The following ANKRD55 variants were observed in gnomAD, a reference collection of about 807,000 sequenced individuals.
ANKRD55 encodes ankyrin repeat domain-containing protein 55.
ANKRD55 carries 41 observed loss-of-function variants against 60.6 expected under a neutral mutation model. The ratio of observed to expected loss-of-function variants is 0.68; its 90% CI spans 0.53 to 0.88. The LOEUF (loss-of-function observed/expected upper bound fraction) is 0.88, where lower values mean the gene tolerates loss of function less well. Among genes scored for constraint, ANKRD55 ranks in the 40% least tolerant of loss-of-function variants. The pLI is 0.00. For missense variants in ANKRD55, 732 were observed against 767.6 expected, an observed-to-expected ratio of 0.95 and a Z score of 0.55; for synonymous variants, 264 against 290.3, an observed-to-expected ratio of 0.91 and a Z score of 0.92.
At chr5:56,230,225 G>A (rs1424798802) in intron 2 of ANKRD55, among the ~76,000 whole-genome samples, 2 of 152,250 alleles carry the variant, frequency 1.3e-5, no homozygotes, top group African/African-American at 4.8e-5. Flanking sequence ...CTCCCGAGTA[G>A]CTGGGACTAC....
chr5:56,116,521 T>C, intron 9 of ANKRD55, 94 bp downstream of exon 9: 1 of 1,031,388 alleles, frequency 9.7e-7, no homozygotes, highest in Non-Finnish European at 1.3e-6. Context: ...AATAATATTA[T>C]TATTGGTTTG....
At chr5:56,135,250 C>T (rs1334416691) in intron 7 of ANKRD55, among the ~76,000 whole-genome samples, 3 of 138,144 alleles carry the variant, frequency 2.2e-5, no homozygotes, top group South Asian at 2.5e-4. Context: ...TTCCTTCCTT[C>T]CTTCCTTCCT....
chr5:56,118,704 A>G (rs1352672710), intron 8 of ANKRD55, among the ~76,000 whole-genome samples: 1 of 152,122 alleles, frequency 6.6e-6, no homozygotes, highest in Non-Finnish European at 1.5e-5. Context: ...AAAATAAACC[A>G]ATTTTAAAAA....
chr5:56,139,902 T>C (rs1185100847), intron 7 of ANKRD55, among the ~76,000 whole-genome samples: 1 of 152,066 alleles, frequency 6.6e-6, no homozygotes, highest in Non-Finnish European at 1.5e-5. Context: ...TGAGACTTTG[T>C]CTCTACTTTA....
intron 3 of ANKRD55, among the ~76,000 whole-genome samples, chr5:56,177,376 G>A (rs562472670): frequency 1.2e-4 from 19 of 152,048 alleles, no homozygotes; most frequent in Admixed American, 1.1e-3. Context: ...CTTTCTTCCT[G>A]TCAACAAGTG....
intron 2 of ANKRD55, among the ~76,000 whole-genome samples, chr5:56,199,666 G>C (rs963606567): frequency 6.6e-6 from 1 of 151,848 alleles, no homozygotes; most frequent in African/African-American, 2.4e-5. Flanking sequence ...CGAGGTGGGC[G>C]GATCACAAGG....
At chr5:56,107,872 C>CT (rs56958360) in intron 10 of ANKRD55, among the ~76,000 whole-genome samples, 138 of 145,646 alleles carry the variant, frequency 9.5e-4, no homozygotes, top group Middle Eastern at 3.5e-3. Flanking sequence ...TAGCAATAAA[C>CT]TTTTTTTTTT....
chr5:56,099,921 CCTA>C lies in ANKRD55; in HGVS notation c.*259_*261del. ...AGCAAACCAAACATAGCTCAGTTTT[CCTA>C]CTGATAACATATTTTGTCTTTTAAT... On this transcript the variant is annotated 3_prime_UTR_variant, in exon 12 of 12. Transcript: ENST00000341048. 2.6e-6 allele frequency: 1 copy of C among 390,780 alleles called. No individual in the cohort carries two copies. The allele number at this position is 390,780 out of a possible 1,614,324, so 24.2% of individuals were successfully genotyped here. A position where few individuals can be genotyped will look rare whatever the true frequency, so the allele number is the denominator to read the frequency against.
intron 7 of ANKRD55, 135 bp downstream of exon 7, chr5:56,143,666 G>T: frequency 1.6e-6 from 2 of 1,274,496 alleles, no homozygotes; most frequent in Non-Finnish European, 2.2e-6. Flanking sequence ...ATCTTGGCAG[G>T]GTTTCTTTTC....
At position 56,113,039 on chromosome 5, in the gene ANKRD55, C is replaced by T. The variant is rs756704222; in HGVS notation, c.966-1257G>A. On this transcript the variant is annotated intron_variant, in intron 9 of 11. Transcript: ENST00000341048. Reference sequence around the variant, plus strand: ...AGAGAGAGCCCCAGGGCACTTCCGACGCTCAAGTTTCCCTATAAAGAATAT... The same window carrying T: ...AGAGAGAGCCCCAGGGCACTTCCGATGCTCAAGTTTCCCTATAAAGAATAT... Among the ~76,000 whole-genome samples the T allele has an allele frequency of 1.8e-4, 28 of 152,232 alleles. No individual in the cohort carries two copies. The South Asian group carries it at 1.9e-3, about 10-fold the overall frequency.
chr5:56,205,818 A>G (rs1299419184), intron 2 of ANKRD55, among the ~76,000 whole-genome samples: 1 of 152,114 alleles, frequency 6.6e-6, no homozygotes, highest in Non-Finnish European at 1.5e-5. Context: ...AATGTCAGAG[A>G]CTGAACAAGT....
At chr5:56,178,735 T>C (rs1758792434) in intron 3 of ANKRD55, among the ~76,000 whole-genome samples, 1 of 146,968 alleles carries the variant, frequency 6.8e-6, no homozygotes, top group South Asian at 2.1e-4. Flanking sequence ...CATGGGAAGA[T>C]ACTATGTTTA....
chr5:56,172,939 G>A (rs554543436), intron 4 of ANKRD55, among the ~76,000 whole-genome samples: 1 of 152,302 alleles, frequency 6.6e-6, no homozygotes, highest in East Asian at 1.9e-4. Context: ...TGTGAGCCTG[G>A]CTGCTGAAAC....
intron 5 of ANKRD55, among the ~76,000 whole-genome samples, chr5:56,164,110 A>C (rs1210001715): frequency 2.6e-5 from 4 of 152,172 alleles, no homozygotes; most frequent in Non-Finnish European, 4.4e-5. Flanking sequence ...AACAAAAAAC[A>C]AACAAAAAAT....
chr5:56,116,931 G>A (rs1756904104), intron 8 of ANKRD55, 149 bp from the exon 9 acceptor site: 2 of 789,382 alleles, frequency 2.5e-6, no homozygotes, highest in African/African-American at 1.8e-5. Flanking sequence ...TGTTAAATGA[G>A]CCCGAAGGAT....
chr5:56,224,836 A>G (rs1315028680), intron 2 of ANKRD55, among the ~76,000 whole-genome samples: 1 of 152,196 alleles, frequency 6.6e-6, no homozygotes, highest in East Asian at 1.9e-4. Context: ...TTGAGGCAAT[A>G]ATTAACAGCC....
At chr5:56,202,121 A>G (rs1377743464) in intron 2 of ANKRD55, among the ~76,000 whole-genome samples, 1 of 152,186 alleles carries the variant, frequency 6.6e-6, no homozygotes, top group African/African-American at 2.4e-5. Context: ...ATGGAGAGGA[A>G]CAACACACAC....
chr5:56,210,560 CAAAAA>C (rs59566826), intron 2 of ANKRD55, among the ~76,000 whole-genome samples: 2 of 65,156 alleles, frequency 3.1e-5, no homozygotes. Context: ...GACTACGTCT[CAAAAA>C]AAAAAAAAAA....
At chr5:56,212,194 T>C (rs914198177) in intron 2 of ANKRD55, among the ~76,000 whole-genome samples, 21 of 152,210 alleles carry the variant, frequency 1.4e-4, no homozygotes, top group African/African-American at 4.8e-4. Flanking sequence ...TAATGCATCA[T>C]GGCCAAATAC....
Sources: gnomAD v4.1 joint callset for allele counts (sites outside exome capture counted in the v4.1 genomes callset) on GRCh38, gnomAD v4.1.1 for gene constraint, MANE v1.5 for transcripts, NCBI Gene and HGNC (gene_info 2026-07-23, HGNC 2026-07-21) for gene names.